The following OSBPL3 variants were observed in gnomAD, a reference collection of about 807,000 sequenced individuals.
The protein encoded by OSBPL3 is oxysterol binding protein like 3.
OSBPL3 carries 65 observed loss-of-function variants against 120.1 expected under a neutral mutation model. The ratio of observed to expected loss-of-function variants is 0.54; its 90% CI spans 0.44 to 0.67. The LOEUF is 0.67. OSBPL3 is among the 30% of genes least tolerant of loss of function. The probability of loss-of-function intolerance (pLI) is 0.00; values close to 1 mark genes in which losing one functional copy is unlikely to be tolerated. For synonymous variants in OSBPL3, 416 were observed against 402.6 expected (o/e 1.03, Z -0.40); for missense variants, 1,004 against 1,082.1 (o/e 0.93, Z 1.01).
chr7:24,834,400 G>C lies in OSBPL3; in HGVS notation c.1746+86C>G, dbSNP rs1390956529. On this transcript the variant is annotated intron_variant, in intron 15 of 22. Transcript: ENST00000313367. This position sits in a 1 kb window ranked among gnomAD's most constrained non-coding sequence, Gnocchi z 5.2. ...ATCAAAATGAAACCGGAGGGAACAGGGGCTGTCTCTCTGATGGGCCCCGTG... is the reference window on the plus strand; with the variant it reads ...ATCAAAATGAAACCGGAGGGAACAGCGGCTGTCTCTCTGATGGGCCCCGTG... 5.2e-6 allele frequency: 8 copies of C among 1,541,220 alleles called. No homozygotes were observed. The South Asian group carries it at 8.9e-5, about 17-fold the overall frequency.
chr7:24,846,271 C>A (rs1798437740), intron 12 of OSBPL3, among the ~76,000 whole-genome samples: 1 of 152,152 alleles, frequency 6.6e-6, no homozygotes, highest in African/African-American at 2.4e-5. Context: ...AAAAGGATTG[C>A]TTTGGCCTCG....
At position 24,946,183 on chromosome 7, in the gene OSBPL3, C is replaced by A. The variant is rs953379903; in HGVS notation, c.-150+33703G>T. 1.4e-4 allele frequency among the ~76,000 whole-genome samples: 21 copies of A among 152,178 alleles called. No homozygotes were observed. Among genetic ancestry groups the A allele is most frequent in the African/African-American group, 4.8e-4 (20 of 41,446 alleles). On this transcript the variant is annotated intron_variant, in intron 1 of 22. Coordinates refer to ENST00000313367, the MANE Select transcript of OSBPL3 (RefSeq NM_015550.4). This position sits in a 1 kb window ranked among gnomAD's most constrained non-coding sequence, Gnocchi z 4.3. ...CTGGGGCTGCTGGCTGGGTCACCTA[C>A]ACATGGTTTCTCCAGCATAGAATCT...
chr7:24,920,143 T>C (rs1810215923), intron 1 of OSBPL3, among the ~76,000 whole-genome samples: 1 of 152,070 alleles, frequency 6.6e-6, no homozygotes, highest in Non-Finnish European at 1.5e-5. Flanking sequence ...CACTCCCAGG[T>C]ATAAACCCAG....
chr7:24,864,597 C>T (rs1446907144), intron 7 of OSBPL3, among the ~76,000 whole-genome samples: 1 of 152,172 alleles, frequency 6.6e-6, no homozygotes, highest in African/African-American at 2.4e-5. Context: ...AAGGCTGCCA[C>T]CTGGTATCTT....
intron 1 of OSBPL3, among the ~76,000 whole-genome samples, chr7:24,895,423 T>A (rs186022980): frequency 6.6e-6 from 1 of 152,328 alleles, no homozygotes; most frequent in Admixed American, 6.5e-5. Flanking sequence ...CAGGCTCTGC[T>A]ATTCAGGTTT....
rs564243406 is a variant in OSBPL3, at chr7:24,833,913, G to A, written c.1746+573C>T. Among the ~76,000 whole-genome samples the A allele has an allele frequency of 2.6e-5, 4 of 152,262 alleles. No homozygotes were observed. The highest frequency in any genetic ancestry group is 5.9e-5 in the Non-Finnish European group (4 of 68,024). Reference sequence around the variant, plus strand: ...GTGACTGGAGCTGATGCCCAGTAGGGAAGAGAAGGCTTTTCTACGATTTTT... The same window carrying A: ...GTGACTGGAGCTGATGCCCAGTAGGAAAGAGAAGGCTTTTCTACGATTTTT... On this transcript the variant is annotated intron_variant, in intron 15 of 22. Transcript: ENST00000313367. This position sits in a 1 kb window ranked among gnomAD's most constrained non-coding sequence, Gnocchi z 4.4.
Position 24,829,498 on chromosome 7 carries a change from C to T in OSBPL3, c.1884+1270G>A, listed in dbSNP as rs371789671. On this transcript the variant is annotated intron_variant, in intron 16 of 22. Coordinates refer to ENST00000313367, the MANE Select transcript of OSBPL3 (RefSeq NM_015550.4). Reference sequence around the variant, plus strand: ...CATCATAAGTCTCTCAGCCAACCCACGCTTCCCCTCCTCTCCCTGTAGTGC... The same window carrying T: ...CATCATAAGTCTCTCAGCCAACCCATGCTTCCCCTCCTCTCCCTGTAGTGC... Among the ~76,000 whole-genome samples, 9 of 152,274 alleles carry T rather than the reference C, an allele frequency of 5.9e-5. No homozygotes were observed. In the East Asian group the frequency reaches 7.7e-4, roughly 13 times the overall value.
chr7:24,948,644 T>C (rs986419471), intron 1 of OSBPL3, among the ~76,000 whole-genome samples: 14 of 152,336 alleles, frequency 9.2e-5, no homozygotes, highest in Non-Finnish European at 2.1e-4. Flanking sequence ...CCAAATCATC[T>C]ATTAAAAATC....
At chr7:24,970,414 CCTTT>C (rs1229572396) in intron 1 of OSBPL3, among the ~76,000 whole-genome samples, 2 of 152,158 alleles carry the variant, frequency 1.3e-5, no homozygotes, top group African/African-American at 4.8e-5. Context: ...CCCCTTCATC[CCTTT>C]CTTTATCTCA....
At position 24,854,335 on chromosome 7, in the gene OSBPL3, T is replaced by G. The variant is rs1799538952; in HGVS notation, c.1028-1701A>C. On this transcript the variant is annotated intron_variant, in intron 10 of 22. Transcript: ENST00000313367. The surrounding 1 kb of genome is among the most constrained non-coding windows in gnomAD (Gnocchi z 4.1). Reference sequence around the variant, plus strand: ...GTATTGTTATTCAAGAGTGGGCTATTTAGTAACACAGAAACTAAATAGGCA... The same window carrying G: ...GTATTGTTATTCAAGAGTGGGCTATGTAGTAACACAGAAACTAAATAGGCA... Among the ~76,000 whole-genome samples, 1 of 152,166 alleles carries G rather than the reference T, an allele frequency of 6.6e-6. No homozygotes were observed.
chr7:24,850,273 G>A (rs1798980960), intron 11 of OSBPL3, among the ~76,000 whole-genome samples: 1 of 152,172 alleles, frequency 6.6e-6, no homozygotes, highest in Non-Finnish European at 1.5e-5. Context: ...AAAGGAAGCT[G>A]TTTCCTTCAC....
chr7:24,904,918 G>GGT (rs67222925), intron 1 of OSBPL3, among the ~76,000 whole-genome samples: 20,298 of 132,670 alleles, frequency 0.15, 1,627 homozygotes, highest in Admixed American at 0.2. Flanking sequence ...ATAATATACA[G>GGT]GTGTGTGTGT....
rs1318702478 is a variant in OSBPL3 at position 24,932,038 on chromosome 7, A to G, written c.-149-39417T>C. The stretch of plus-strand genomic sequence containing the variant: ...CTGATCTGTAAAACAAAACATGTAG[A>G]CTAGATGAATGATAATCTCTCCTTA... On this transcript the variant is annotated intron_variant, in intron 1 of 22. Coordinates refer to ENST00000313367, the MANE Select transcript of OSBPL3 (RefSeq NM_015550.4). The surrounding 1 kb of genome is among the most constrained non-coding windows in gnomAD (Gnocchi z 5.6). Among the ~76,000 whole-genome samples the G allele has an allele frequency of 6.6e-6, 1 of 152,194 alleles. No homozygotes were observed. Among genetic ancestry groups the G allele is most frequent in the Non-Finnish European group, 1.5e-5 (1 of 68,028 alleles).
Position 24,959,535 on chromosome 7 carries a change from C to A in OSBPL3, c.-150+20351G>T, listed in dbSNP as rs1327168491. On this transcript the variant is annotated intron_variant, in intron 1 of 22. Coordinates refer to ENST00000313367, the MANE Select transcript of OSBPL3 (RefSeq NM_015550.4). This position sits in a 1 kb window ranked among gnomAD's most constrained non-coding sequence, Gnocchi z 4.3. ...GTGTTACAAATCAGGATGGAAATTA[C>A]CCATTGCGGGTAGGGATAGCGACTT... is the stretch of plus-strand genomic sequence containing the variant. Among the ~76,000 whole-genome samples, 3 of 152,116 alleles carry A rather than the reference C, an allele frequency of 2.0e-5. No homozygotes were observed. The highest frequency in any genetic ancestry group is 7.2e-5 in the African/African-American group (3 of 41,408).
At position 24,871,336 on chromosome 7, in the gene OSBPL3, G is replaced by A. The variant is rs1802080214; in HGVS notation, c.267+406C>T. Among the ~76,000 whole-genome samples the A allele has an allele frequency of 6.6e-6, 1 of 152,172 alleles. No individual in the cohort carries two copies. Among genetic ancestry groups the A allele is most frequent in the South Asian group, 2.1e-4 (1 of 4,816 alleles). On this transcript the variant is annotated intron_variant, in intron 4 of 22. Coordinates refer to ENST00000313367, the MANE Select transcript of OSBPL3 (RefSeq NM_015550.4). This position sits in a 1 kb window ranked among gnomAD's most constrained non-coding sequence, Gnocchi z 4.8. ...GGACAAATGGTCATTCACACACAGA[G>A]CCTTCACACACCAACTGCCTGGGAT... is the stretch of plus-strand genomic sequence containing the variant.
At chr7:24,921,930 A>G (rs1351915829) in intron 1 of OSBPL3, among the ~76,000 whole-genome samples, 6 of 152,234 alleles carry the variant, frequency 3.9e-5, no homozygotes, top group Non-Finnish European at 1.5e-5. Context: ...TAGATTAGGA[A>G]AAGTAGATTC....
In OSBPL3 at chr7:24,922,271, G is replaced by A. The variant is rs564186328; in HGVS notation, c.-149-29650C>T. ...ACTGTGTTACAAAAAGTCCTAGAAGGGCACAGTGAGGGGGACTGGGGAGAG... is the reference window on the plus strand; with the variant it reads ...ACTGTGTTACAAAAAGTCCTAGAAGAGCACAGTGAGGGGGACTGGGGAGAG... On this transcript the variant is annotated intron_variant, in intron 1 of 22. Coordinates refer to ENST00000313367, the MANE Select transcript of OSBPL3 (RefSeq NM_015550.4). The surrounding 1 kb of genome is among the most constrained non-coding windows in gnomAD (Gnocchi z 4.3). Among the ~76,000 whole-genome samples, 1 of 152,242 alleles carries A rather than the reference G, an allele frequency of 6.6e-6. No homozygotes were observed. Among genetic ancestry groups the A allele is most frequent in the African/African-American group, 2.4e-5 (1 of 41,542 alleles).
Position 24,851,236 on chromosome 7 carries a change from G to A in OSBPL3, c.1158+1268C>T, listed in dbSNP as rs1039602770. The stretch of plus-strand genomic sequence containing the variant: ...CTTCTGCTTCTCTCAAACCAAAATG[G>A]CACCAGTGTATGGCTGTCTTGTACA... On this transcript the variant is annotated intron_variant, in intron 11 of 22. Transcript: ENST00000313367. The surrounding 1 kb of genome is among the most constrained non-coding windows in gnomAD (Gnocchi z 4.1). 3.3e-5 allele frequency among the ~76,000 whole-genome samples: 5 copies of A among 152,204 alleles called. No individual in the cohort carries two copies. The highest frequency in any genetic ancestry group is 7.3e-5 in the Non-Finnish European group (5 of 68,038).
chr7:24,928,899 T>A (rs1230120519), intron 1 of OSBPL3, among the ~76,000 whole-genome samples: 1 of 152,248 alleles, frequency 6.6e-6, no homozygotes, highest in Non-Finnish European at 1.5e-5. Flanking sequence ...CACCACAATT[T>A]ATCTGTTCAC....
Sources: allele counts gnomAD v4.1 joint callset (sites outside exome capture counted in the v4.1 genomes callset), GRCh38; gene constraint gnomAD v4.1.1; non-coding constraint Gnocchi (gnomAD v3.1); transcripts MANE v1.5; gene names NCBI Gene and HGNC (gene_info 2026-07-23, HGNC 2026-07-21).